SNTG1: variants seen among roughly 807,000 people sequenced by gnomAD.
SNTG1 encodes gamma-1-syntrophin.
Under a neutral mutation model 74.7 loss-of-function variants are expected in SNTG1, and 39 were observed. The observed-to-expected ratio is 0.52, with a 90% CI of 0.40 to 0.68. SNTG1 has a LOEUF of 0.68. SNTG1 is among the 30% of genes least tolerant of loss of function. SNTG1 has a pLI of 0.00. For synonymous variants in SNTG1, 254 were observed against 217.1 expected, an observed-to-expected ratio of 1.17 and a Z score of -1.49; for missense variants, 685 against 609.5, an observed-to-expected ratio of 1.12 and a Z score of -1.30.
chr8:50,579,083 A>G (rs1475183208), intron 12 of SNTG1, among the ~76,000 whole-genome samples: 1 of 152,150 alleles, frequency 6.6e-6, no homozygotes, highest in Non-Finnish European at 1.5e-5. Context: ...GAAGTTAGGA[A>G]CTTCCTTGAC....
At chr8:50,634,506 G>A (rs919205125) in intron 13 of SNTG1, among the ~76,000 whole-genome samples, 1 of 152,050 alleles carries the variant, frequency 6.6e-6, no homozygotes, top group Non-Finnish European at 1.5e-5. Flanking sequence ...TGAAATAATT[G>A]TACATTTACA....
intron 12 of SNTG1, among the ~76,000 whole-genome samples, chr8:50,581,447 C>CCT (rs1381712003): frequency 6.6e-6 from 1 of 151,912 alleles, no homozygotes; most frequent in African/African-American, 2.4e-5. Context: ...ACTTCAGATG[C>CCT]CTCTCTCTCT....
intron 15 of SNTG1, among the ~76,000 whole-genome samples, chr8:50,679,299 A>G (rs770883889): frequency 1.6e-4 from 25 of 152,136 alleles, no homozygotes; most frequent in Non-Finnish European, 2.6e-4. Context: ...TGGTCAAGAG[A>G]AAGAGTAGTG....
intron 15 of SNTG1, among the ~76,000 whole-genome samples, chr8:50,702,350 A>G (rs1376708164): frequency 1.3e-5 from 2 of 152,198 alleles, no homozygotes; most frequent in East Asian, 3.9e-4. Flanking sequence ...AGGAAAATCA[A>G]TAAGCACAGC....
chr8:50,384,418 A>T (rs1471577051), intron 2 of SNTG1, among the ~76,000 whole-genome samples: 1 of 152,210 alleles, frequency 6.6e-6, no homozygotes, highest in Non-Finnish European at 1.5e-5. Context: ...AACGCTGTGT[A>T]TAGGAAAGGC....
chr8:50,496,890 G>C (rs148714114), intron 8 of SNTG1, among the ~76,000 whole-genome samples: 1 of 150,672 alleles, frequency 6.6e-6, no homozygotes, highest in Non-Finnish European at 1.5e-5. Flanking sequence ...GGAATAATTC[G>C]TTCATTATTA....
At chr8:50,450,508 A>T in intron 6 of SNTG1, 48 bp from the exon 7 acceptor site, 1 of 1,595,032 alleles carries the variant, frequency 6.3e-7, no homozygotes, top group Non-Finnish European at 8.6e-7. Flanking sequence ...TTTCATCTGC[A>T]TAACAAAAAC....
chr8:49,964,075 T>C (rs747753952), intron 1 of SNTG1, among the ~76,000 whole-genome samples: 4 of 152,234 alleles, frequency 2.6e-5, no homozygotes, highest in African/African-American at 4.8e-5. Context: ...GTGTGATTGA[T>C]GTGTCAACTT....
Position 50,137,069 on chromosome 8 carries a change from T to C in SNTG1, c.-102-35492T>C, listed in dbSNP as rs140031278. Among the ~76,000 whole-genome samples, 3 of 152,218 alleles carry C rather than the reference T, an allele frequency of 2.0e-5. No individual in the cohort carries two copies. The East Asian group carries it at 5.8e-4, about 30-fold the overall frequency. On this transcript the variant is annotated intron_variant, in intron 1 of 18. Coordinates refer to ENST00000642720, the MANE Select transcript of SNTG1 (RefSeq NM_018967.5). The stretch of plus-strand genomic sequence containing the variant: ...TAGGGGAAAAATACCTGCTTCAGAA[T>C]GACTTCATTTTCAGCAGAGTAGTTG...
At chr8:50,739,519 T>C (rs2095537676) in intron 17 of SNTG1, among the ~76,000 whole-genome samples, 1 of 151,934 alleles carries the variant, frequency 6.6e-6, no homozygotes, top group Admixed American at 6.6e-5. Flanking sequence ...TCCTCAAAGA[T>C]CTAGAACCAG....
chr8:50,420,961 G>A (rs2093074588), intron 4 of SNTG1, among the ~76,000 whole-genome samples: 1 of 139,064 alleles, frequency 7.2e-6, no homozygotes, highest in Non-Finnish European at 1.5e-5. Context: ...GGAGGTGGAG[G>A]TTATGGTGAC....
At chr8:50,299,660 C>A (rs1403240875) in intron 2 of SNTG1, among the ~76,000 whole-genome samples, 1 of 152,012 alleles carries the variant, frequency 6.6e-6, no homozygotes, top group East Asian at 1.9e-4. Context: ...ATTGAAATTT[C>A]AGCTTATAAT....
At chr8:50,724,823 G>A (rs949761478) in intron 17 of SNTG1, among the ~76,000 whole-genome samples, 1 of 152,038 alleles carries the variant, frequency 6.6e-6, no homozygotes, top group African/African-American at 2.4e-5. Flanking sequence ...AATGTTAAAG[G>A]TTTAGATGAA....
chr8:49,926,515 A>T (rs1485110116), intron 1 of SNTG1, among the ~76,000 whole-genome samples: 1 of 152,156 alleles, frequency 6.6e-6, no homozygotes, highest in African/African-American at 2.4e-5. Flanking sequence ...ACAAATAAAT[A>T]TGAAACAACT....
chr8:50,098,982 G>C (rs527865039), intron 1 of SNTG1, among the ~76,000 whole-genome samples: 1 of 151,974 alleles, frequency 6.6e-6, no homozygotes, highest in East Asian at 1.9e-4. Context: ...ATAGAACAAC[G>C]GGCCACAATC....
At chr8:50,356,386 A>G (rs2091817607) in intron 2 of SNTG1, among the ~76,000 whole-genome samples, 1 of 152,166 alleles carries the variant, frequency 6.6e-6, no homozygotes, top group Non-Finnish European at 1.5e-5. Flanking sequence ...TAGGGCCCAA[A>G]GGCAAGGTTC....
chr8:50,645,572 T>C (rs1332488656), intron 13 of SNTG1, among the ~76,000 whole-genome samples: 1 of 152,126 alleles, frequency 6.6e-6, no homozygotes. Flanking sequence ...TAGACATAAT[T>C]TGGGGTTCAT....
chr8:50,573,485 T>A (rs1266252022), intron 12 of SNTG1, among the ~76,000 whole-genome samples: 3 of 151,886 alleles, frequency 2.0e-5, no homozygotes, highest in Non-Finnish European at 2.9e-5. Flanking sequence ...GTGGAATGAG[T>A]TTCTAAGAAA....
At chr8:50,774,897 A>C (rs902261439) in intron 18 of SNTG1, among the ~76,000 whole-genome samples, 2 of 151,312 alleles carry the variant, frequency 1.3e-5, no homozygotes, top group African/African-American at 4.8e-5. Context: ...GTTTTAAAAT[A>C]TTATTATATC....
Sources: allele counts gnomAD v4.1 joint callset (sites outside exome capture counted in the v4.1 genomes callset), GRCh38; gene constraint gnomAD v4.1.1; transcripts MANE v1.5; gene names NCBI Gene and HGNC (gene_info 2026-07-23, HGNC 2026-07-21).